SLC16A10: variants seen among roughly 807,000 people sequenced by gnomAD.
SLC16A10 encodes the protein solute carrier family 16 member 10.
Under a neutral mutation model 40.0 loss-of-function variants are expected in SLC16A10, and 27 were observed. The observed-to-expected ratio is 0.67, with a 90% CI of 0.50 to 0.93. The LOEUF (loss-of-function observed/expected upper bound fraction) is 0.93. Among genes scored for constraint, SLC16A10 ranks in the 40% least tolerant of loss-of-function variants. The pLI is 0.00. For synonymous variants in SLC16A10, 213 were observed against 249.8 expected, an observed-to-expected ratio of 0.85 and a Z score of 1.39; for missense variants, 529 against 658.2, an observed-to-expected ratio of 0.80 and a Z score of 2.15.
rs539290715 is a variant in SLC16A10 at position 111,106,250 on chromosome 6, A to G, written c.343+18155A>G. Among the ~76,000 whole-genome samples, 4 of 152,344 alleles carry G rather than the reference A, an allele frequency of 2.6e-5. No individual in the cohort carries two copies. In the South Asian group the frequency reaches 8.3e-4, roughly 32 times the overall value. On this transcript the variant is annotated intron_variant, in intron 1 of 5. Transcript: ENST00000368851. ...GACAAGAAGAGACTTGATAGTAGTA[A>G]AGGTTGGGAATCAAAAGAACAATGT...
At chr6:111,112,473 C>T (rs180685643) in intron 1 of SLC16A10, among the ~76,000 whole-genome samples, 7 of 152,288 alleles carry the variant, frequency 4.6e-5, no homozygotes, top group Admixed American at 4.6e-4. Flanking sequence ...TCCATGAGTG[C>T]AGGGGCTGTG....
intron 4 of SLC16A10, among the ~76,000 whole-genome samples, chr6:111,216,165 A>G (rs1158479151): frequency 6.6e-6 from 1 of 152,182 alleles, no homozygotes; most frequent in Non-Finnish European, 1.5e-5. Context: ...GCTCAAGGTC[A>G]TAGAGAGCTT....
intron 3 of SLC16A10, among the ~76,000 whole-genome samples, chr6:111,197,808 C>T (rs354536): frequency 0.77 from 116,663 of 151,762 alleles, 45,642 homozygotes; most frequent in Non-Finnish European, 0.85. Context: ...GGAGCTGCCA[C>T]ACTCTTAACC....
At chr6:111,147,950 G>A (rs1377836250) in intron 1 of SLC16A10, among the ~76,000 whole-genome samples, 1 of 152,126 alleles carries the variant, frequency 6.6e-6, no homozygotes, top group Non-Finnish European at 1.5e-5. Context: ...GAGTGTTGCT[G>A]ATCACATCAC....
intron 1 of SLC16A10, among the ~76,000 whole-genome samples, chr6:111,141,051 A>T (rs1414937596): frequency 6.6e-6 from 1 of 152,214 alleles, no homozygotes; most frequent in Non-Finnish European, 1.5e-5. Context: ...TTGTCCTCCC[A>T]GAGTGCTCGG....
chr6:111,192,583 A>G (rs1280747402), intron 3 of SLC16A10, among the ~76,000 whole-genome samples: 1 of 152,168 alleles, frequency 6.6e-6, no homozygotes, highest in African/African-American at 2.4e-5. Flanking sequence ...CCCACTACCC[A>G]GTACCAATTT....
chr6:111,104,635 A>G (rs909558217), intron 1 of SLC16A10, among the ~76,000 whole-genome samples: 1 of 152,192 alleles, frequency 6.6e-6, no homozygotes, highest in African/African-American at 2.4e-5. Context: ...GGTCAGCAAG[A>G]CATCAAGGGC....
intron 1 of SLC16A10, among the ~76,000 whole-genome samples, chr6:111,153,779 A>C (rs1195310919): frequency 6.6e-6 from 1 of 152,256 alleles, no homozygotes; most frequent in Non-Finnish European, 1.5e-5. Context: ...ATCATCTGCC[A>C]TGTGGCAGGT....
intron 1 of SLC16A10, among the ~76,000 whole-genome samples, chr6:111,111,645 C>T (rs1033178741): frequency 1.2e-4 from 18 of 152,300 alleles, no homozygotes; most frequent in African/African-American, 3.4e-4. Context: ...CTTTAACCAA[C>T]GTCTGCCCAT....
intron 3 of SLC16A10, among the ~76,000 whole-genome samples, chr6:111,182,322 T>TC (rs1268382791): frequency 7.0e-6 from 1 of 143,828 alleles, no homozygotes; most frequent in Non-Finnish European, 1.5e-5. Context: ...TTTTTTTTTT[T>TC]TTTTTTTTTT....
rs562131774 is a variant in SLC16A10, at chr6:111,116,089, A to G, written c.343+27994A>G. Among the ~76,000 whole-genome samples, 13 of 152,320 alleles carry G rather than the reference A, an allele frequency of 8.5e-5. No individual in the cohort carries two copies. The East Asian group carries it at 2.3e-3, about 27-fold the overall frequency. ...GACCAATTTTTTAAATGGCAAATAT[A>G]GTCACATCACTTGATTCAGAATCTC... On this transcript the variant is annotated intron_variant, in intron 1 of 5. Transcript: ENST00000368851.
At chr6:111,169,775 A>T (rs551164684) in intron 1 of SLC16A10, among the ~76,000 whole-genome samples, 1 of 152,342 alleles carries the variant, frequency 6.6e-6, no homozygotes, top group South Asian at 2.1e-4. Flanking sequence ...TCAAGACAAG[A>T]AGCTATATTT....
intron 1 of SLC16A10, among the ~76,000 whole-genome samples, chr6:111,170,748 C>T (rs1388426296): frequency 6.6e-6 from 1 of 152,148 alleles, no homozygotes; most frequent in Non-Finnish European, 1.5e-5. Context: ...CGCACCCAGC[C>T]TAGATTGTTT....
At chr6:111,150,139 C>T (rs1268493455) in intron 1 of SLC16A10, among the ~76,000 whole-genome samples, 1 of 152,200 alleles carries the variant, frequency 6.6e-6, no homozygotes, top group Non-Finnish European at 1.5e-5. Flanking sequence ...GCTATGAGGG[C>T]TCTGCCTTCA....
chr6:111,220,907 A>G (rs1411548153), intron 5 of SLC16A10, among the ~76,000 whole-genome samples: 1 of 152,252 alleles, frequency 6.6e-6, no homozygotes, highest in Non-Finnish European at 1.5e-5. Context: ...TCATAGTATT[A>G]CAGCAGAACA....
intron 1 of SLC16A10, among the ~76,000 whole-genome samples, chr6:111,146,725 A>T (rs1562412718): frequency 6.6e-6 from 1 of 151,116 alleles, no homozygotes; most frequent in Non-Finnish European, 1.5e-5. Context: ...CAACAGAGCG[A>T]GACTCCGTCT....
intron 3 of SLC16A10, among the ~76,000 whole-genome samples, chr6:111,191,646 A>G (rs571504962): frequency 3.3e-4 from 50 of 152,358 alleles, no homozygotes; most frequent in Admixed American, 1.0e-3. Flanking sequence ...ACAGTGTAAA[A>G]GCGTTTTTAT....
At chr6:111,121,579 G>A (rs1270036800) in intron 1 of SLC16A10, among the ~76,000 whole-genome samples, 3 of 152,110 alleles carry the variant, frequency 2.0e-5, no homozygotes, top group Non-Finnish European at 2.9e-5. Flanking sequence ...AAAAGAGATT[G>A]TATTGTGTTT....
intron 1 of SLC16A10, among the ~76,000 whole-genome samples, chr6:111,143,220 C>G (rs1039968962): frequency 6.6e-6 from 1 of 151,816 alleles, no homozygotes; most frequent in Non-Finnish European, 1.5e-5. Flanking sequence ...GCTGGGACTA[C>G]AGGTGCATGT....
Sources: gnomAD v4.1 joint callset for allele counts (sites outside exome capture counted in the v4.1 genomes callset) on GRCh38, gnomAD v4.1.1 for gene constraint, MANE v1.5 for transcripts, NCBI Gene and HGNC (gene_info 2026-07-23, HGNC 2026-07-21) for gene names.